The following PDE4D variants were observed in gnomAD, a reference collection of about 807,000 sequenced individuals.
PDE4D encodes the protein phosphodiesterase 4D.
Under a neutral mutation model 87.4 loss-of-function variants are expected in PDE4D, and 24 were observed. The observed-to-expected ratio is 0.27, with a 90% confidence interval of 0.20 to 0.39. The LOEUF is 0.39. PDE4D is among the 10% of genes least tolerant of loss of function. The pLI, the probability that PDE4D is intolerant of heterozygous loss-of-function variation, is 1.00. For synonymous variants in PDE4D, 384 were observed against 383.2 expected, an observed-to-expected ratio of 1.00 and a Z score of -0.02; for missense variants, 714 against 1,041.0, an observed-to-expected ratio of 0.69 and a Z score of 4.32.
chr5:59,930,055 G>A (rs557871256), intron 3 of PDE4D, among the ~76,000 whole-genome samples: 1 of 151,588 alleles, frequency 6.6e-6, no homozygotes, highest in East Asian at 2.0e-4. Context: ...CCAGCTACTC[G>A]GGAGGCTGAG....
intron 1 of PDE4D, among the ~76,000 whole-genome samples, chr5:59,431,162 A>C (rs1796057024): frequency 6.6e-6 from 1 of 152,180 alleles, no homozygotes; most frequent in Admixed American, 6.6e-5. Flanking sequence ...CTTTGAACGA[A>C]GATCTATGGA....
chr5:59,643,611 A>C (rs866127427), intron 1 of PDE4D, among the ~76,000 whole-genome samples: 1 of 152,326 alleles, frequency 6.6e-6, no homozygotes, highest in East Asian at 1.9e-4. Flanking sequence ...AAAGAAAAAA[A>C]TGTATGGTGA....
chr5:59,877,301 C>A (rs1748736244), intron 1 of PDE4D, among the ~76,000 whole-genome samples: 1 of 151,810 alleles, frequency 6.6e-6, no homozygotes, highest in African/African-American at 2.4e-5. Context: ...GGTGTCTATG[C>A]AGATAGAATT....
intron 1 of PDE4D, among the ~76,000 whole-genome samples, chr5:60,465,940 G>A (rs1747321539): frequency 6.6e-6 from 1 of 151,002 alleles, no homozygotes; most frequent in South Asian, 2.1e-4. Flanking sequence ...TGAAGGGACA[G>A]AGTAATTCAA....
At chr5:59,632,068 C>T (rs1014523477) in intron 1 of PDE4D, among the ~76,000 whole-genome samples, 14 of 152,104 alleles carry the variant, frequency 9.2e-5, no homozygotes, top group East Asian at 1.9e-4. Context: ...GAGGGGTGTC[C>T]GCCATTACTG....
rs74840086 is a variant in PDE4D, at chr5:59,490,346, A to G, written c.456-274378T>C. On this transcript the variant is annotated intron_variant, in intron 1 of 14. Coordinates refer to ENST00000340635, the MANE Select transcript of PDE4D (RefSeq NM_001104631.2). ...TTTCAGGTGACCATAGCAAATAAGT[A>G]CTAAGTAGCTTCTTTATACTAATTG... 3.3e-3 allele frequency among the ~76,000 whole-genome samples: 501 copies of G among 152,306 alleles called. 1 individual carries two copies. Among genetic ancestry groups the G allele is most frequent in the African/African-American group, 0.012 (485 of 41,570 alleles).
At chr5:60,411,355 A>G (rs1248624007) in intron 1 of PDE4D, among the ~76,000 whole-genome samples, 1 of 152,216 alleles carries the variant, frequency 6.6e-6, no homozygotes, top group Non-Finnish European at 1.5e-5. Flanking sequence ...GTATAAAGCA[A>G]ACTTATGTAA....
intron 1 of PDE4D, among the ~76,000 whole-genome samples, chr5:59,745,294 T>C (rs527516518): frequency 6.6e-6 from 1 of 152,174 alleles, no homozygotes; most frequent in African/African-American, 2.4e-5. Flanking sequence ...CGGGTGATGC[T>C]AGTTATAATT....
At chr5:59,374,385 C>A (rs1397631384) in intron 1 of PDE4D, among the ~76,000 whole-genome samples, 1 of 152,050 alleles carries the variant, frequency 6.6e-6, no homozygotes, top group African/African-American at 2.4e-5. Context: ...ATCCTAGTTT[C>A]TGACAAAAAA....
chr5:59,380,205 TTTA>T (rs1366589990), intron 1 of PDE4D, among the ~76,000 whole-genome samples: 1 of 152,144 alleles, frequency 6.6e-6, no homozygotes, highest in African/African-American at 2.4e-5. Flanking sequence ...CATGCATTAT[TTTA>T]TTATGATTTT....
At chr5:59,643,541 G>T (rs968004257) in intron 1 of PDE4D, among the ~76,000 whole-genome samples, 1 of 152,146 alleles carries the variant, frequency 6.6e-6, no homozygotes, top group African/African-American at 2.4e-5. Flanking sequence ...ACTAAATTGT[G>T]TAATTTACAT....
intron 1 of PDE4D, among the ~76,000 whole-genome samples, chr5:60,266,315 G>A (rs536413697): frequency 6.6e-6 from 1 of 152,346 alleles, no homozygotes; most frequent in African/African-American, 2.4e-5. Flanking sequence ...GCTCTGGAGA[G>A]ACATAGATAG....
chr5:60,364,580 T>C (rs1374370780), intron 1 of PDE4D, among the ~76,000 whole-genome samples: 1 of 152,216 alleles, frequency 6.6e-6, no homozygotes, highest in African/African-American at 2.4e-5. Flanking sequence ...AAAGGTTTTC[T>C]TACACAGAAT....
At chr5:59,988,542 C>A (rs768718595) in exon 3 of PDE4D, 2 of 1,599,126 alleles carry the variant, frequency 1.3e-6, no homozygotes, top group East Asian at 2.2e-5. Flanking sequence ...CAGGGGGAGG[C>A]TGGTTGGTCG....
At chr5:59,299,914 A>C (rs930736299) in intron 1 of PDE4D, among the ~76,000 whole-genome samples, 6 of 152,192 alleles carry the variant, frequency 3.9e-5, no homozygotes, top group Admixed American at 2.6e-4. Flanking sequence ...GTTTCAGACC[A>C]GTCTGGCCAA....
At chr5:59,309,801 G>C (rs1772199806) in intron 1 of PDE4D, among the ~76,000 whole-genome samples, 2 of 152,086 alleles carry the variant, frequency 1.3e-5, no homozygotes, top group South Asian at 4.2e-4. Context: ...TCTGTCTCTT[G>C]GATGTATTTT....
chr5:59,214,315 A>G (rs1259594380), intron 2 of PDE4D, among the ~76,000 whole-genome samples: 1 of 152,180 alleles, frequency 6.6e-6, no homozygotes, highest in Non-Finnish European at 1.5e-5. Flanking sequence ...CTCAGGTCCC[A>G]TAGACTGTAT....
At chr5:59,702,550 C>G (rs1752735922) in intron 1 of PDE4D, among the ~76,000 whole-genome samples, 1 of 151,564 alleles carries the variant, frequency 6.6e-6, no homozygotes, top group Non-Finnish European at 1.5e-5. Flanking sequence ...AACAAACAAA[C>G]AAAGTTATCA....
intron 1 of PDE4D, among the ~76,000 whole-genome samples, chr5:59,220,852 C>T (rs772727477): frequency 5.7e-4 from 87 of 151,602 alleles, no homozygotes; most frequent in Non-Finnish European, 1.1e-3. Context: ...TCTCTTTTGA[C>T]TCACAGCCAA....
Sources: allele counts gnomAD v4.1 joint callset (sites outside exome capture counted in the v4.1 genomes callset), GRCh38; gene constraint gnomAD v4.1.1; transcripts MANE v1.5; gene names NCBI Gene and HGNC (gene_info 2026-07-23, HGNC 2026-07-21).